Variants in ATAD2 observed in about 807,000 individuals in gnomAD.
ATAD2 encodes the protein ATPase family AAA domain-containing protein 2.
A neutral mutation model predicts 168.9 loss-of-function variants in ATAD2; 62 were observed. The ratio of observed to expected loss-of-function variants is 0.37; its 90% CI spans 0.30 to 0.45. The LOEUF (loss-of-function observed/expected upper bound fraction) is 0.45, where lower values mean the gene tolerates loss of function less well. ATAD2 is among the 20% of genes least tolerant of loss of function. The pLI is 1.00. For synonymous variants in ATAD2, 613 were observed against 571.6 expected (o/e 1.07, Z -1.03); for missense variants, 1,419 against 1,667.8 (o/e 0.85, Z 2.60).
chr8:123,338,046 C>G (rs539527326), intron 20 of ATAD2, among the ~76,000 whole-genome samples: 13 of 142,808 alleles, frequency 9.1e-5, no homozygotes, highest in Admixed American at 6.6e-4. Context: ...AAGTCATTAC[C>G]TCTGTTCCTT....
chr8:123,338,173 A>G (rs1052030139), intron 20 of ATAD2, among the ~76,000 whole-genome samples: 10 of 152,046 alleles, frequency 6.6e-5, no homozygotes, highest in African/African-American at 2.4e-4. Flanking sequence ...TGGCTAATAC[A>G]GTGAAACCCG....
At position 123,320,124 on chromosome 8, in the gene ATAD2, C is replaced by T. The variant is rs1205423201; in HGVS notation, c.*1010G>A. 1 of 152,102 alleles carries T rather than the reference C, an allele frequency of 6.6e-6. No homozygotes were observed. Among genetic ancestry groups the T allele is most frequent in the African/African-American group, 2.4e-5 (1 of 41,434 alleles). 9.4% of individuals were successfully genotyped at this position (152,102 alleles called of 1,614,324 possible). ...AGATAAATCAACAACAAAAATACAG[C>T]TCAACTTTGAACTGCATTAAAATCC... On this transcript the variant is annotated 3_prime_UTR_variant, in exon 28 of 28. Coordinates refer to ENST00000287394, the MANE Select transcript of ATAD2 (RefSeq NM_014109.4).
chr8:123,375,518 T>C (rs1735855030), intron 2 of ATAD2, among the ~76,000 whole-genome samples: 1 of 152,188 alleles, frequency 6.6e-6, no homozygotes, highest in African/African-American at 2.4e-5. Flanking sequence ...GCCAGGTGTA[T>C]ACCCAAAAGA....
chr8:123,341,930 T>G (rs1238834605), intron 19 of ATAD2, among the ~76,000 whole-genome samples: 1 of 151,900 alleles, frequency 6.6e-6, no homozygotes, highest in Admixed American at 6.6e-5. Context: ...CTACTACAAA[T>G]ACAAAATTAG....
At chr8:123,339,745 G>A (rs375206105) in intron 19 of ATAD2, among the ~76,000 whole-genome samples, 18 of 152,034 alleles carry the variant, frequency 1.2e-4, no homozygotes, top group African/African-American at 3.9e-4. Context: ...AAGCTAAATT[G>A]TATATTTTTT....
chr8:123,414,966 G>T (rs964329426), intron 1 of ATAD2, among the ~76,000 whole-genome samples: 18 of 151,574 alleles, frequency 1.2e-4, no homozygotes, highest in South Asian at 6.2e-4. Flanking sequence ...GTTTTTTTTT[G>T]TTGTTTTTTA....
At chr8:123,411,885 C>T (rs942777479) in intron 1 of ATAD2, among the ~76,000 whole-genome samples, 1 of 152,116 alleles carries the variant, frequency 6.6e-6, no homozygotes, top group African/African-American at 2.4e-5. Context: ...TCTCAGTATG[C>T]ATTCTCCCCT....
At chr8:123,400,946 C>T (rs919339897), upstream of ATAD2, 22 of 1,402,470 alleles carry the variant, frequency 1.6e-5, no homozygotes, top group East Asian at 6.9e-5. The surrounding 1 kb of genome is among the most constrained non-coding windows in gnomAD (Gnocchi z 4.5). Context: ...CTGAGCCCCT[C>T]GCACCCTGTG....
chr8:123,369,232 ATATG>A, intron 7 of ATAD2, 57 bp from the exon 8 acceptor site: 1 of 659,412 alleles, frequency 1.5e-6, no homozygotes. Context: ...TGGCATACAA[ATATG>A]TATGAAGATA....
At chr8:123,339,874 T>C (rs144409536) in intron 19 of ATAD2, among the ~76,000 whole-genome samples, 3 of 152,100 alleles carry the variant, frequency 2.0e-5, no homozygotes, top group Admixed American at 6.6e-5. Context: ...ACTGACTTGA[T>C]GATATTTTAC....
intron 25 of ATAD2, among the ~76,000 whole-genome samples, chr8:123,327,537 GTC>G (rs1346153019): frequency 6.6e-6 from 1 of 151,310 alleles, no homozygotes; most frequent in Non-Finnish European, 1.5e-5. Flanking sequence ...CATTAACTTA[GTC>G]AATGCTTATT....
At position 123,328,237 on chromosome 8, in the gene ATAD2, G is replaced by A; in HGVS notation, c.3821C>T (p.Ala1274Val). The A allele has an allele frequency of 2.7e-6, 4 of 1,477,422 alleles. No individual in the cohort carries two copies. The highest frequency in any genetic ancestry group is 1.8e-6 in the Non-Finnish European group (2 of 1,115,530). 91.5% of individuals were successfully genotyped at this position (1,477,422 alleles called of 1,614,324 possible). ...AATATGTATTATCTGAGAGCTAGAAGCATCTCCATTACAAGCAATCTTGTC... is the reference window on the plus strand; with the variant it reads ...AATATGTATTATCTGAGAGCTAGAAACATCTCCATTACAAGCAATCTTGTC... ...LRDKIACNGD[A>V]SSSQIIHISD... The change falls in exon 25 of 28, where the codon GCT (alanine) becomes GTT (valine). Residue 1274 changes from alanine (A) to valine (V), a missense_variant. By Grantham distance (64) the Ala-to-Val change is moderately conservative. Around this residue, in one of 5 missense-constraint regions of ATAD2, gnomAD observed 303 missense variants for 304.3 expected, o/e 1.00. Coordinates refer to ENST00000287394, the MANE Select transcript of ATAD2 (RefSeq NM_014109.4).
At chr8:123,370,147 AAAC>A (rs1262134439) in intron 6 of ATAD2, 123 bp from the exon 7 acceptor site, 1 of 877,116 alleles carries the variant, frequency 1.1e-6, no homozygotes, top group Non-Finnish European at 1.7e-6. Context: ...AAAAAAAAAA[AAAC>A]AACAAAAAAA....
At chr8:123,390,202 C>T (rs1829787550) in intron 1 of ATAD2, among the ~76,000 whole-genome samples, 1 of 151,834 alleles carries the variant, frequency 6.6e-6, no homozygotes, top group Non-Finnish European at 1.5e-5. Context: ...TGGTCTTGAA[C>T]TTCTGATCTC....
At chr8:123,382,782 T>A (rs984479085) in intron 1 of ATAD2, among the ~76,000 whole-genome samples, 1 of 152,204 alleles carries the variant, frequency 6.6e-6, no homozygotes, top group African/African-American at 2.4e-5. Flanking sequence ...TGGAAGACAG[T>A]GTGGCGATTC....
intron 21 of ATAD2, 141 bp from the exon 22 acceptor site, chr8:123,336,673 C>T: frequency 1.6e-6 from 1 of 630,102 alleles, no homozygotes; most frequent in East Asian, 3.5e-5. Context: ...AAACCTTTCA[C>T]TTGATTTAAG....
chr8:123,321,467 T>A (rs1827465946), intron 27 of ATAD2, among the ~76,000 whole-genome samples: 1 of 151,062 alleles, frequency 6.6e-6, no homozygotes, highest in African/African-American at 2.4e-5. Flanking sequence ...TTACACTTTG[T>A]AGGTATCAAT....
chr8:123,326,633 A>G (rs1021540719), intron 25 of ATAD2, among the ~76,000 whole-genome samples: 6 of 152,146 alleles, frequency 3.9e-5, no homozygotes, highest in African/African-American at 1.4e-4. Context: ...AGCAGAGATC[A>G]TGCCACTGAA....
At chr8:123,349,197 A>T in intron 14 of ATAD2, 88 bp downstream of exon 14, 1 of 1,361,652 alleles carries the variant, frequency 7.3e-7, no homozygotes. Flanking sequence ...ACAAAACTCA[A>T]GAATCTCCAA....
Sources: allele counts gnomAD v4.1 joint callset (sites outside exome capture counted in the v4.1 genomes callset), GRCh38; gene constraint gnomAD v4.1.1; regional missense constraint gnomAD v4.1.1; non-coding constraint Gnocchi (gnomAD v3.1); transcripts MANE v1.5; gene names NCBI Gene and HGNC (gene_info 2026-07-23, HGNC 2026-07-21).